MB: variants seen among roughly 807,000 people sequenced by gnomAD.
MB encodes the protein nitrite reductase MB.
In MB, 10 loss-of-function variants were observed where a neutral mutation model predicts 14.5. The observed-to-expected ratio is 0.69, with a 90% CI of 0.43 to 1.17. The LOEUF is 1.17. Among genes scored for constraint, MB ranks in the 50% most tolerant of loss-of-function variants. The probability of loss-of-function intolerance (pLI) is 0.00; values close to 1 mark genes in which losing one functional copy is unlikely to be tolerated. For synonymous variants in MB, 89 were observed against 78.6 expected (o/e 1.13, Z -0.70); for missense variants, 169 against 192.7 (o/e 0.88, Z 0.73).
At chr22:35,612,034 G>C (rs182361161) in intron 1 of MB, among the ~76,000 whole-genome samples, 4 of 152,236 alleles carry the variant, frequency 2.6e-5, no homozygotes, top group Non-Finnish European at 4.4e-5. Context: ...CACTTGGCTA[G>C]CTAGCGGCAG....
chr22:35,621,727 G>T (rs896718713), upstream of MB, among the ~76,000 whole-genome samples: 3 of 152,180 alleles, frequency 2.0e-5, no homozygotes, highest in Non-Finnish European at 2.9e-5. Flanking sequence ...GCTCCTTGGG[G>T]ATATAGAGGC....
chr22:35,617,338 C>T (rs1923153534), upstream of MB: 6 of 1,165,358 alleles, frequency 5.1e-6, no homozygotes, highest in South Asian at 7.6e-5. Flanking sequence ...TTGAGGCTGC[C>T]TGGTCCCAAG....
At chr22:35,618,387 T>A (rs1027822111), upstream of MB, among the ~76,000 whole-genome samples, 11 of 152,182 alleles carry the variant, frequency 7.2e-5, no homozygotes, top group Non-Finnish European at 5.9e-5. Context: ...GGGTGGATGG[T>A]TTTGCAAAGA....
chr22:35,609,217 C>A (rs1922388129), intron 2 of MB, among the ~76,000 whole-genome samples: 1 of 152,172 alleles, frequency 6.6e-6, no homozygotes, highest in Non-Finnish European at 1.5e-5. Context: ...TGCTGGGAGA[C>A]CGCTGGGCAA....
At chr22:35,622,431 C>T (rs1923532009) in intron 1 of MB, 6 of 152,710 alleles carry the variant, frequency 3.9e-5, no homozygotes, top group Admixed American at 3.3e-4. Context: ...AGGAACCCAC[C>T]CACCAGGGCT....
upstream of MB, among the ~76,000 whole-genome samples, chr22:35,619,100 A>T (rs1923300195): frequency 6.6e-6 from 1 of 152,214 alleles, no homozygotes; most frequent in African/African-American, 2.4e-5. Context: ...GTGATAGAGC[A>T]CCTACTGTGT....
chr22:35,610,414 ATG>A (rs979286971), intron 2 of MB, among the ~76,000 whole-genome samples: 66 of 152,314 alleles, frequency 4.3e-4, no homozygotes, highest in African/African-American at 1.6e-3. Flanking sequence ...TAAGTCCTGC[ATG>A]TACCAGACTC....
Position 35,607,370 on chromosome 22 carries a change from G to A in MB, c.392C>T (p.Ala131Val). 3.7e-6 allele frequency: 6 copies of A among 1,614,146 alleles called. No homozygotes were observed. Among genetic ancestry groups the A allele is most frequent in the Non-Finnish European group, 5.1e-6 (6 of 1,179,980 alleles). The part of the protein sequence containing the change: ...PGDFGADAQG[A>V]MNKALELFRK... Reference sequence around the variant, plus strand: ...GAACAGCTCCAGGGCCTTGTTCATGGCCCCCTGGGCATCAGCACCAAAGTC... The same window carrying A: ...GAACAGCTCCAGGGCCTTGTTCATGACCCCCTGGGCATCAGCACCAAAGTC... Residue 131 changes from alanine (A) to valine (V), a missense_variant, in exon 3 of 3, where the codon GCC (alanine) becomes GTC (valine). Coordinates refer to ENST00000397326, the MANE Select transcript of MB (RefSeq NM_005368.3).
chr22:35,613,286 C>T (rs1327747493), intron 1 of MB, among the ~76,000 whole-genome samples: 4 of 152,204 alleles, frequency 2.6e-5, no homozygotes, highest in African/African-American at 9.7e-5. Flanking sequence ...CCTGCCCCTG[C>T]CCTCTGATAT....
chr22:35,611,789 A>C (rs1922650335), intron 1 of MB, among the ~76,000 whole-genome samples: 1 of 150,510 alleles, frequency 6.6e-6, no homozygotes, highest in African/African-American at 2.5e-5. Flanking sequence ...CTGAGCAGCC[A>C]CCTCCAGCTT....
chr22:35,613,942 T>C, intron 1 of MB, among the ~76,000 whole-genome samples: 1 of 152,238 alleles, frequency 6.6e-6, no homozygotes, highest in Non-Finnish European at 1.5e-5. Flanking sequence ...GCCATTCTCC[T>C]GGATTTGCCT....
chr22:35,612,308 TC>T, intron 1 of MB, among the ~76,000 whole-genome samples: 2 of 152,318 alleles, frequency 1.3e-5, no homozygotes, highest in African/African-American at 4.8e-5. Context: ...AAGCACCTGA[TC>T]CCCGTAGTCT....
intron 1 of MB, among the ~76,000 whole-genome samples, chr22:35,614,690 T>A (rs1922925415): frequency 1.3e-5 from 2 of 152,128 alleles, no homozygotes; most frequent in South Asian, 2.1e-4. Flanking sequence ...AATCAGTATG[T>A]GCTGAATAAA....
At chr22:35,607,592 A>G in intron 2 of MB, 149 bp from the exon 3 acceptor site, 1 of 683,750 alleles carries the variant, frequency 1.5e-6, no homozygotes. Context: ...TGTGATCTCC[A>G]CGGATGAACC....
rs772789314 is a variant in MB at position 35,611,111 on chromosome 22, G to A, written c.96-5C>T. On this transcript the variant is annotated splice_polypyrimidine_tract_variant and splice_region_variant and intron_variant, in intron 1 of 2. Transcript: ENST00000397326. The stretch of plus-strand genomic sequence containing the variant: ...TCTGGGTGACCCTTAAAGAGCCTGT[G>A]GGCACAGGGAAGGCTGGAGTCGGCA... 1 of 1,611,566 alleles carries A rather than the reference G, an allele frequency of 6.2e-7. No homozygotes were observed. Among genetic ancestry groups the A allele is most frequent in the Non-Finnish European group, 8.5e-7 (1 of 1,177,966 alleles).
upstream of MB, among the ~76,000 whole-genome samples, chr22:35,620,696 C>T (rs1018467727): frequency 2.6e-5 from 4 of 152,184 alleles, no homozygotes; most frequent in South Asian, 6.2e-4. Context: ...ACGCAATGTG[C>T]GGTTTTCAAA....
intron 1 of MB, among the ~76,000 whole-genome samples, chr22:35,613,025 G>C (rs537943281): frequency 3.3e-5 from 5 of 152,102 alleles, no homozygotes; most frequent in Non-Finnish European, 7.3e-5. Context: ...TTGCCACCTC[G>C]CTCCAGGACC....
chr22:35,618,221 C>T (rs920866518), upstream of MB, among the ~76,000 whole-genome samples: 12 of 152,282 alleles, frequency 7.9e-5, no homozygotes, highest in Non-Finnish European at 1.0e-4. Context: ...TACAACTAGT[C>T]GCTGGCAGAG....
upstream of MB, among the ~76,000 whole-genome samples, chr22:35,617,805 A>C (rs1923194858): frequency 6.6e-6 from 1 of 152,138 alleles, no homozygotes; most frequent in South Asian, 2.1e-4. Flanking sequence ...GCCAGAAGTG[A>C]CAGAAAGGAA....
Sources: gnomAD v4.1 joint callset for allele counts (sites outside exome capture counted in the v4.1 genomes callset) on GRCh38, gnomAD v4.1.1 for gene constraint, MANE v1.5 for transcripts, NCBI Gene and HGNC (gene_info 2026-07-23, HGNC 2026-07-21) for gene names.